C8orf34: variants seen among roughly 807,000 people sequenced by gnomAD.
The protein encoded by C8orf34 is chromosome 8 open reading frame 34, also known as uncharacterized protein C8orf34.
A neutral mutation model predicts 68.3 loss-of-function variants in C8orf34; 65 were observed. The ratio of observed to expected loss-of-function variants is 0.95; its 90% CI spans 0.78 to 1.17. The LOEUF (loss-of-function observed/expected upper bound fraction) is 1.17, where lower values mean the gene tolerates loss of function less well. C8orf34 is among the 50% of genes most tolerant of loss of function. The pLI is 0.00. For missense variants in C8orf34, 664 were observed against 655.4 expected (o/e 1.01, Z -0.14); for synonymous variants, 244 against 241.2 (o/e 1.01, Z -0.11).
At chr8:68,651,837 C>T (rs372230999) in intron 8 of C8orf34, among the ~76,000 whole-genome samples, 8 of 151,958 alleles carry the variant, frequency 5.3e-5, no homozygotes, top group East Asian at 1.9e-4. Context: ...CACTAGAAGC[C>T]GAAACCCCTC....
intron 8 of C8orf34, among the ~76,000 whole-genome samples, chr8:68,656,576 C>T (rs997048188): frequency 1.3e-4 from 20 of 152,122 alleles, no homozygotes; most frequent in African/African-American, 4.8e-4. Context: ...ATTAAAAGTC[C>T]TTTATGATTT....
chr8:68,541,316 A>AT (rs1382668616), intron 7 of C8orf34, among the ~76,000 whole-genome samples: 4 of 151,888 alleles, frequency 2.6e-5, no homozygotes, highest in Non-Finnish European at 5.9e-5. Flanking sequence ...TTTAAAAAAA[A>AT]TTACTTAGGT....
intron 7 of C8orf34, chr8:68,535,698 A>C: frequency 7.4e-6 from 6 of 815,560 alleles, no homozygotes; most frequent in Non-Finnish European, 8.9e-6. Context: ...TTATAGTACA[A>C]CACCTGTAAT....
intron 1 of C8orf34, among the ~76,000 whole-genome samples, chr8:68,337,724 A>G (rs1052655055): frequency 6.6e-6 from 1 of 152,186 alleles, no homozygotes; most frequent in Non-Finnish European, 1.5e-5. Context: ...TAAACAGTAA[A>G]TTATGTGAAT....
intron 10 of C8orf34, among the ~76,000 whole-genome samples, chr8:68,767,415 T>C (rs565329325): frequency 2.8e-4 from 42 of 152,336 alleles, no homozygotes; most frequent in African/African-American, 9.9e-4. Context: ...TTTAAGTTTT[T>C]CAGTCTATAG....
At chr8:68,808,324 T>C (rs115469779) in intron 12 of C8orf34, among the ~76,000 whole-genome samples, 1,732 of 152,282 alleles carry the variant, frequency 0.011, 39 homozygotes, top group African/African-American at 0.037. Context: ...CCATTAAATA[T>C]TCAGATTATT....
At chr8:68,688,837 T>G (rs1472410938) in intron 8 of C8orf34, among the ~76,000 whole-genome samples, 8 of 151,792 alleles carry the variant, frequency 5.3e-5, no homozygotes, top group Admixed American at 4.6e-4. Context: ...TGTTGGGGGA[T>G]GAGGAGAGGG....
intron 12 of C8orf34, among the ~76,000 whole-genome samples, chr8:68,807,542 T>C (rs73683730): frequency 2.6e-5 from 4 of 152,204 alleles, no homozygotes; most frequent in Non-Finnish European, 5.9e-5. Context: ...TTATCTTTAA[T>C]TTTCTTATTA....
intron 12 of C8orf34, among the ~76,000 whole-genome samples, chr8:68,805,076 A>G (rs563297739): frequency 6.6e-6 from 1 of 152,368 alleles, no homozygotes; most frequent in Admixed American, 6.5e-5. Context: ...TGCCTGCCTC[A>G]TTGAATTTCA....
At chr8:68,345,971 C>T (rs1806265599) in intron 1 of C8orf34, among the ~76,000 whole-genome samples, 1 of 152,054 alleles carries the variant, frequency 6.6e-6, no homozygotes, top group South Asian at 2.1e-4. Context: ...ATTTAACAAC[C>T]AAAGCACACC....
intron 10 of C8orf34, among the ~76,000 whole-genome samples, chr8:68,749,587 T>C (rs1046430182): frequency 2.0e-5 from 3 of 152,176 alleles, no homozygotes; most frequent in Non-Finnish European, 4.4e-5. Context: ...CATGCCTATT[T>C]ATAGTTAATA....
chr8:68,757,881 A>G (rs951347773), intron 10 of C8orf34, among the ~76,000 whole-genome samples: 2 of 152,204 alleles, frequency 1.3e-5, no homozygotes, highest in Non-Finnish European at 2.9e-5. Flanking sequence ...TACTATTTTT[A>G]CTCATAAAAC....
chr8:68,719,693 A>C (rs575647640), intron 9 of C8orf34, among the ~76,000 whole-genome samples: 3 of 152,102 alleles, frequency 2.0e-5, no homozygotes, highest in Non-Finnish European at 4.4e-5. Context: ...GAAGAGCTTG[A>C]GAACTTATTT....
At chr8:68,668,033 T>G (rs1029177279) in intron 8 of C8orf34, among the ~76,000 whole-genome samples, 8 of 152,264 alleles carry the variant, frequency 5.3e-5, no homozygotes, top group African/African-American at 1.9e-4. Context: ...TCTAATAATT[T>G]AGAAATAATT....
chr8:68,349,332 A>T lies in C8orf34; in HGVS notation c.327+17993A>T, dbSNP rs1435207558. Among the ~76,000 whole-genome samples the T allele has an allele frequency of 5.9e-5, 9 of 152,168 alleles. No individual in the cohort carries two copies. In the South Asian group the frequency reaches 1.7e-3, roughly 28 times the overall value. ...GCATCCTAGGGATGAAGCCTACTTG[A>T]TCATGGTGGATTAGACTTTGATGTG... On this transcript the variant is annotated intron_variant, in intron 1 of 13. Coordinates refer to ENST00000518698, the MANE Select transcript of C8orf34 (RefSeq NM_052958.4).
rs142423870 is a variant in C8orf34, at chr8:68,449,244, T to C, written c.607+2784T>C. Among the ~76,000 whole-genome samples, 327 of 152,286 alleles carry C rather than the reference T, an allele frequency of 2.1e-3. 1 individual carries two copies. Among genetic ancestry groups the C allele is most frequent in the African/African-American group, 7.1e-3 (295 of 41,582 alleles). On this transcript the variant is annotated intron_variant, in intron 3 of 13. Transcript: ENST00000518698. ...AAAAACTTTTTAGAGATGTTCCAGT[T>C]ACTATGGTTTATAACAAATCACGCC... is the stretch of plus-strand genomic sequence containing the variant.
At chr8:68,415,563 A>G (rs1024990075) in intron 1 of C8orf34, among the ~76,000 whole-genome samples, 1 of 152,194 alleles carries the variant, frequency 6.6e-6, no homozygotes, top group African/African-American at 2.4e-5. Flanking sequence ...AGTTTCTGAA[A>G]TCCAGCCTCA....
chr8:68,393,752 G>T (rs1444837091), intron 1 of C8orf34, among the ~76,000 whole-genome samples: 1 of 152,136 alleles, frequency 6.6e-6, no homozygotes, highest in African/African-American at 2.4e-5. Flanking sequence ...GATTCTGAAG[G>T]TGATAGCGAA....
chr8:68,644,179 A>G (rs1351783650), intron 8 of C8orf34, among the ~76,000 whole-genome samples: 1 of 152,208 alleles, frequency 6.6e-6, no homozygotes, highest in Non-Finnish European at 1.5e-5. Context: ...CAGGAAAGAA[A>G]AGTAAATACT....
Sources: allele counts gnomAD v4.1 joint callset (sites outside exome capture counted in the v4.1 genomes callset), GRCh38; gene constraint gnomAD v4.1.1; transcripts MANE v1.5; gene names NCBI Gene and HGNC (gene_info 2026-07-23, HGNC 2026-07-21).